The following ADK variants were observed in gnomAD, a reference collection of about 807,000 sequenced individuals.
ADK encodes adenosine kinase.
Under a neutral mutation model 44.7 loss-of-function variants are expected in ADK, and 24 were observed. The observed-to-expected ratio is 0.54, with a 90% CI of 0.39 to 0.76. ADK has a LOEUF of 0.76. Ranked by LOEUF, ADK falls within the 30% of genes least tolerant of loss-of-function variation. The pLI is 0.00. For synonymous variants in ADK, 128 were observed against 142.6 expected, an observed-to-expected ratio of 0.90 and a Z score of 0.73; for missense variants, 321 against 425.1, an observed-to-expected ratio of 0.76 and a Z score of 2.15.
At chr10:74,614,122 C>T (rs1852656799) in intron 9 of ADK, among the ~76,000 whole-genome samples, 1 of 152,058 alleles carries the variant, frequency 6.6e-6, no homozygotes, top group Non-Finnish European at 1.5e-5. Flanking sequence ...ACATGTGGAC[C>T]TGTCACATTT....
chr10:74,156,024 A>T (rs2132027754), intron 1 of ADK, among the ~76,000 whole-genome samples: 1 of 152,264 alleles, frequency 6.6e-6, no homozygotes, highest in Admixed American at 6.5e-5. Context: ...AAGTCCCCTA[A>T]TGCACTTAGT....
intron 9 of ADK, among the ~76,000 whole-genome samples, chr10:74,660,700 AGCCAGGGTGACAAAGTG>A (rs1379584025): frequency 7.4e-6 from 1 of 134,620 alleles, no homozygotes; most frequent in Non-Finnish European, 1.5e-5. Flanking sequence ...ACTGCACTCC[AGCCAGGGTGACAAAGTG>A]AGACCCTGTC....
chr10:74,204,944 G>A (rs1042182802), intron 2 of ADK, among the ~76,000 whole-genome samples: 5 of 150,110 alleles, frequency 3.3e-5, no homozygotes, highest in Admixed American at 6.7e-5. Context: ...GGTGGCTGAG[G>A]CAGGAGAATT....
At chr10:74,538,676 T>A (rs2133714598) in intron 7 of ADK, among the ~76,000 whole-genome samples, 1 of 152,328 alleles carries the variant, frequency 6.6e-6, no homozygotes, top group South Asian at 2.1e-4. Context: ...TCTTTATAAG[T>A]AAACTATCAT....
intron 10 of ADK, among the ~76,000 whole-genome samples, chr10:74,689,124 C>T (rs185915359): frequency 0.022 from 3,313 of 151,866 alleles, 127 homozygotes; most frequent in African/African-American, 0.076. Context: ...TGGCGGGCGC[C>T]TGTAGTCCCA....
At chr10:74,594,617 C>G (rs930523140) in intron 8 of ADK, among the ~76,000 whole-genome samples, 1 of 148,498 alleles carries the variant, frequency 6.7e-6, no homozygotes, top group Non-Finnish European at 1.5e-5. Context: ...AAACTGAGGT[C>G]TAACTATATG....
At chr10:74,649,453 C>T (rs1470482807) in intron 9 of ADK, among the ~76,000 whole-genome samples, 2 of 151,736 alleles carry the variant, frequency 1.3e-5, no homozygotes, top group East Asian at 1.9e-4. Flanking sequence ...TAGGGAGACC[C>T]TGTCTACAAA....
At chr10:74,635,704 ACT>A (rs535068198) in intron 9 of ADK, among the ~76,000 whole-genome samples, 238 of 152,130 alleles carry the variant, frequency 1.6e-3, no homozygotes, top group Non-Finnish European at 2.9e-3. Flanking sequence ...GATGTTCAGA[ACT>A]CTCTATTTAG....
intron 6 of ADK, among the ~76,000 whole-genome samples, chr10:74,490,927 G>A (rs1395764621): frequency 6.6e-6 from 1 of 151,972 alleles, no homozygotes; most frequent in East Asian, 1.9e-4. Context: ...TGTACTCATG[G>A]ATCTGTGATT....
At chr10:74,162,101 AC>A (rs1282736178) in intron 1 of ADK, among the ~76,000 whole-genome samples, 7 of 151,308 alleles carry the variant, frequency 4.6e-5, no homozygotes, top group Non-Finnish European at 1.0e-4. Flanking sequence ...GCTCACTGCA[AC>A]CCCCGCCTTC....
At chr10:74,520,588 A>G (rs1196613448) in intron 6 of ADK, among the ~76,000 whole-genome samples, 1 of 84,954 alleles carries the variant, frequency 1.2e-5, no homozygotes, top group African/African-American at 3.6e-5. Flanking sequence ...TAAGGTAAAC[A>G]CTGGTAAAAA....
At chr10:74,260,079 T>C (rs1379229149) in intron 3 of ADK, among the ~76,000 whole-genome samples, 1 of 151,952 alleles carries the variant, frequency 6.6e-6, no homozygotes, top group Non-Finnish European at 1.5e-5. Flanking sequence ...TCAAAGGTAA[T>C]ATGTGTACAT....
intron 8 of ADK, among the ~76,000 whole-genome samples, chr10:74,599,680 A>G (rs1039516232): frequency 1.3e-5 from 2 of 152,238 alleles, no homozygotes; most frequent in Admixed American, 6.5e-5. Flanking sequence ...GATTTCAGAA[A>G]ACTTCAATAA....
In ADK at chr10:74,297,937, A is replaced by G. The variant is rs144126535; in HGVS notation, c.195-16730A>G. On this transcript the variant is annotated intron_variant, in intron 3 of 10. Transcript: ENST00000539909. ...ATCTCAGTAATGCAGTTATAATTCA[A>G]CAGTGTTTCAAGTGCCATATGTATT... Among the ~76,000 whole-genome samples the G allele has an allele frequency of 6.7e-3, 1,021 of 152,284 alleles. 9 individuals carry two copies. Among genetic ancestry groups the G allele is most frequent in the Middle Eastern group, 0.031 (9 of 294 alleles).
chr10:74,285,911 T>G (rs971567313), intron 3 of ADK, among the ~76,000 whole-genome samples: 1 of 152,170 alleles, frequency 6.6e-6, no homozygotes, highest in Non-Finnish European at 1.5e-5. Context: ...TACTGTACTA[T>G]GTATTATTGT....
chr10:74,494,744 C>T (rs539954497), intron 6 of ADK, among the ~76,000 whole-genome samples: 1 of 152,084 alleles, frequency 6.6e-6, no homozygotes, highest in South Asian at 2.1e-4. Context: ...CTCACTGCAA[C>T]CTCTGCCTCC....
chr10:74,171,072 T>G (rs1051229931), intron 1 of ADK, among the ~76,000 whole-genome samples: 1 of 152,160 alleles, frequency 6.6e-6, no homozygotes, highest in African/African-American at 2.4e-5. Context: ...CATTATATCA[T>G]GAGCATTTTC....
At chr10:74,214,325 T>C (rs997452437) in intron 2 of ADK, among the ~76,000 whole-genome samples, 2 of 152,194 alleles carry the variant, frequency 1.3e-5, no homozygotes, top group Non-Finnish European at 1.5e-5. Flanking sequence ...CAATTAAATA[T>C]GTTGTTTAAA....
chr10:74,542,615 C>A (rs1271088879), intron 7 of ADK, among the ~76,000 whole-genome samples: 1 of 152,100 alleles, frequency 6.6e-6, no homozygotes, highest in Non-Finnish European at 1.5e-5. Flanking sequence ...CCCTCATCTT[C>A]CTCATTCCCC....
Sources: allele counts gnomAD v4.1 joint callset (sites outside exome capture counted in the v4.1 genomes callset), GRCh38; gene constraint gnomAD v4.1.1; transcripts MANE v1.5; gene names NCBI Gene and HGNC (gene_info 2026-07-23, HGNC 2026-07-21).